TMEM94: variants seen among roughly 807,000 people sequenced by gnomAD.
TMEM94 encodes transmembrane protein 94, also known as ER Mg2+ ATPase.
Under a neutral mutation model 158.6 loss-of-function variants are expected in TMEM94, and 81 were observed. The observed-to-expected ratio is 0.51, with a 90% CI of 0.43 to 0.61. TMEM94 has a LOEUF of 0.61. TMEM94 is among the 20% of genes least tolerant of loss of function. The pLI is 0.00. For synonymous variants in TMEM94, 751 were observed against 730.7 expected (o/e 1.03, Z -0.45); for missense variants, 1,435 against 1,762.0 (o/e 0.81, Z 3.32).
Position 75,499,022 on chromosome 17 carries a change from G to C in TMEM94, c.3938G>C (p.Gly1313Ala). The change falls in exon 31 of 32, where the codon GGC (glycine) becomes GCC (alanine). Residue 1313 changes from glycine (G) to alanine (A), a missense_variant. Physicochemically the swap from Gly to Ala is moderately conservative, Grantham distance 60. Coordinates refer to ENST00000314256, the MANE Select transcript of TMEM94 (RefSeq NM_014738.6). ...GTGCCCCTGCTGACATGGCTCCTGG[G>C]CTGCCTGTCCCTGGTCCTTGTGGTG... ...EDVPLLTWLL[G>A]CLSLVLVVVT... is the part of the protein sequence containing the mutation. 1 of 1,603,826 alleles carries C rather than the reference G, an allele frequency of 6.2e-7. No individual in the cohort carries two copies. Among genetic ancestry groups the C allele is most frequent in the African/African-American group, 1.3e-5 (1 of 74,952 alleles).
In TMEM94 at chr17:75,491,266, C is replaced by T; in HGVS notation, c.1234-37C>T. ...GGCCCCTGGGCAGGATAGGCTAATGCCAGGCCCCTTTCCTATCTCAAATGC... is the reference window on the plus strand; with the variant it reads ...GGCCCCTGGGCAGGATAGGCTAATGTCAGGCCCCTTTCCTATCTCAAATGC... On this transcript the variant is annotated intron_variant, in intron 12 of 31. Coordinates refer to ENST00000314256, the MANE Select transcript of TMEM94 (RefSeq NM_014738.6). This position sits in a 1 kb window ranked among gnomAD's most constrained non-coding sequence, Gnocchi z 5.1. The T allele has an allele frequency of 3.9e-6, 6 of 1,552,912 alleles. No homozygotes were observed. Among genetic ancestry groups the T allele is most frequent in the Non-Finnish European group, 5.3e-6 (6 of 1,127,276 alleles).
At chr17:75,482,332 C>T (rs918956287) in intron 2 of TMEM94, among the ~76,000 whole-genome samples, 3 of 150,940 alleles carry the variant, frequency 2.0e-5, no homozygotes, top group Admixed American at 6.6e-5. Flanking sequence ...GGCAACAGAA[C>T]GAGACTCTGT....
At position 75,500,323 on chromosome 17, in the gene TMEM94, G is replaced by C. The variant is rs764688189; in HGVS notation, c.*989G>C. 2 of 152,424 alleles carry C rather than the reference G, an allele frequency of 1.3e-5. No individual in the cohort carries two copies. Among genetic ancestry groups the C allele is most frequent in the Admixed American group, 6.5e-5 (1 of 15,302 alleles). The allele number at this position is 152,424 out of a possible 1,614,324, so 9.4% of individuals were successfully genotyped here. ...GAAGAGGTTAATGGTTACAGAGCCAGGGCCTGGGCCAATGGGGTCAGGCTC... is the reference window on the plus strand; with the variant it reads ...GAAGAGGTTAATGGTTACAGAGCCACGGCCTGGGCCAATGGGGTCAGGCTC... On this transcript the variant is annotated 3_prime_UTR_variant, in exon 32 of 32. Coordinates refer to ENST00000314256, the MANE Select transcript of TMEM94 (RefSeq NM_014738.6).
At position 75,463,063 on chromosome 17, in the gene TMEM94, TATATATATATATATATAC is replaced by T. The variant is rs1567904718; in HGVS notation, c.-107+6314_-107+6331del. Among the ~76,000 whole-genome samples, 3 of 14,106 alleles carry T rather than the reference TATATATATATATATATAC, an allele frequency of 2.1e-4. No individual in the cohort carries two copies. The African/African-American group carries it at 2.6e-3, about 12-fold the overall frequency. 9.3% of individuals were successfully genotyped at this position (14,106 alleles called of 152,430 possible). ...ATATATATATATATATATATATATA[TATATATATATATATATAC>T]ACACACACACACATATATATGTGTG... On this transcript the variant is annotated intron_variant, in intron 1 of 31. Transcript: ENST00000314256.
At chr17:75,494,013 C>G in intron 18 of TMEM94, 97 bp downstream of exon 18, 3 of 1,218,168 alleles carry the variant, frequency 2.5e-6, no homozygotes, top group Non-Finnish European at 3.4e-6. Flanking sequence ...CCCGGCACCC[C>G]CCACAGCAAA....
At chr17:75,465,078 C>T (rs1248494872) in intron 1 of TMEM94, among the ~76,000 whole-genome samples, 1 of 152,054 alleles carries the variant, frequency 6.6e-6, no homozygotes, top group Non-Finnish European at 1.5e-5. Context: ...TAGCTCCCTG[C>T]AGCCTTGAAC....
rs574326348 is a variant in TMEM94, at chr17:75,499,695, G to A, written c.*361G>A. ...CCCTTGCCCCCCAGTGCCTCTGCTC[G>A]TGGGTCCCTGGACACGGCCTTGAAG... On this transcript the variant is annotated 3_prime_UTR_variant, in exon 32 of 32. Coordinates refer to ENST00000314256, the MANE Select transcript of TMEM94 (RefSeq NM_014738.6). 10 of 237,064 alleles carry A rather than the reference G, an allele frequency of 4.2e-5. No individual in the cohort carries two copies. The highest frequency in any genetic ancestry group is 7.5e-5 in the Non-Finnish European group (9 of 119,884). 14.7% of individuals were successfully genotyped at this position (237,064 alleles called of 1,614,324 possible).
In TMEM94 at chr17:75,495,963, C is replaced by T; in HGVS notation, c.2945-3C>T. ...CTCTGGTGCCCTTATACGCTGTCCT[C>T]AGCCATGTGTGAGATGATAAAGATC... is the stretch of plus-strand genomic sequence containing the variant. On this transcript the variant is annotated splice_region_variant and splice_polypyrimidine_tract_variant and intron_variant, in intron 22 of 31. Transcript: ENST00000314256. This position sits in a 1 kb window ranked among gnomAD's most constrained non-coding sequence, Gnocchi z 5.6. 2.5e-6 allele frequency: 4 copies of T among 1,610,422 alleles called. No homozygotes were observed. The highest frequency in any genetic ancestry group is 3.4e-6 in the Non-Finnish European group (4 of 1,177,432).
chr17:75,457,474 A>G (rs1358981391), intron 1 of TMEM94: 1 of 151,898 alleles, frequency 6.6e-6, no homozygotes, highest in Non-Finnish European at 1.5e-5. Flanking sequence ...CCGCTCTTTC[A>G]TTGGTGTGTC....
rs1244077317 is a variant in TMEM94 at position 75,493,092 on chromosome 17, C to T, written c.2076C>T (p.Asp692=). The part of the protein sequence containing the change: ...LSHMISLFIK[D]TTTSTEQMLS... ...ACATGATCAGCCTCTTCATTAAAGA[C>T]ACCACCACCAGTGAGCCCTGGCTAC... The change falls in exon 16 of 32, where the codon GAC becomes GAT. Residue 692 remains aspartate, a synonymous_variant. Transcript: ENST00000314256. The T allele has an allele frequency of 1.2e-6, 2 of 1,612,976 alleles. No individual in the cohort carries two copies. The highest frequency in any genetic ancestry group is 2.2e-5 in the East Asian group (1 of 44,882).
intron 2 of TMEM94, among the ~76,000 whole-genome samples, chr17:75,480,532 G>A (rs560661740): frequency 2.6e-5 from 4 of 152,330 alleles, no homozygotes; most frequent in Non-Finnish European, 4.4e-5. Context: ...ATGGCCAGGC[G>A]GGGTGAGGAG....
chr17:75,491,459 G>A lies in TMEM94; in HGVS notation c.1386+4G>A. 1 of 1,614,032 alleles carries A rather than the reference G, an allele frequency of 6.2e-7. No individual in the cohort carries two copies. Among genetic ancestry groups the A allele is most frequent in the Non-Finnish European group, 8.5e-7 (1 of 1,179,996 alleles). The stretch of plus-strand genomic sequence containing the variant: ...CCGCTCCTTCTGCCATCCCGAGGTA[G>A]AGGAGGAGGTACGGCCGGCTCCCAT... On this transcript the variant is annotated splice_donor_region_variant and intron_variant, in intron 13 of 31. Transcript: ENST00000314256. The surrounding 1 kb of genome is among the most constrained non-coding windows in gnomAD (Gnocchi z 5.1).
chr17:75,478,352 A>C (rs1053964763), intron 2 of TMEM94, among the ~76,000 whole-genome samples: 1 of 149,622 alleles, frequency 6.7e-6, no homozygotes. Flanking sequence ...AAAAAAAAGA[A>C]AGAAAGAAAA....
rs2052349429 is a variant in TMEM94 at position 75,492,956 on chromosome 17, T to C, written c.1940T>C (p.Phe647Ser). The part of the protein sequence containing the change: ...IGFTPGAKEL[F>S]KQENHLALYR... ...TTCACTCCTGGGGCCAAGGAGCTTTTCAAGCAGGAGAACCATCTGGCGCTG... is the reference window on the plus strand; with the variant it reads ...TTCACTCCTGGGGCCAAGGAGCTTTCCAAGCAGGAGAACCATCTGGCGCTG... The change falls in exon 16 of 32, where the codon TTC becomes TCC. Residue 647 changes from phenylalanine to serine, a missense_variant. By Grantham distance (155) the Phe-to-Ser change is radical (BLOSUM62 -2). This residue lies in a region of TMEM94 where 1,051 missense variants were observed against 1,254.4 expected (regional missense o/e 0.84). Coordinates refer to ENST00000314256, the MANE Select transcript of TMEM94 (RefSeq NM_014738.6). This position sits in a 1 kb window ranked among gnomAD's most constrained non-coding sequence, Gnocchi z 4.4. 1 of 1,613,450 alleles carries C rather than the reference T, an allele frequency of 6.2e-7. No homozygotes were observed. The highest frequency in any genetic ancestry group is 2.2e-5 in the East Asian group (1 of 44,874).
In TMEM94 at chr17:75,492,970, C is replaced by T. The variant is rs112952233; in HGVS notation, c.1954C>T (p.His652Tyr). 1.7e-5 allele frequency: 27 copies of T among 1,613,680 alleles called. 1 individual carries two copies. In the African/African-American group the frequency reaches 2.3e-4, roughly 14 times the overall value. ...GAKELFKQEN[H>Y]LALYRLPSAE... Reference sequence around the variant, plus strand: ...CAAGGAGCTTTTCAAGCAGGAGAACCATCTGGCGCTGTACCGCCTCCCCAG... The same window carrying T: ...CAAGGAGCTTTTCAAGCAGGAGAACTATCTGGCGCTGTACCGCCTCCCCAG... Residue 652 changes from histidine (H) to tyrosine (Y), a missense_variant, in exon 16 of 32, where the codon CAT becomes TAT. This residue lies in a region of TMEM94 where 1,051 missense variants were observed against 1,254.4 expected (regional missense o/e 0.84). Transcript: ENST00000314256. The surrounding 1 kb of genome is among the most constrained non-coding windows in gnomAD (Gnocchi z 4.4).
rs144215495 is a variant in TMEM94 at position 75,489,306 on chromosome 17, C to T, written c.805C>T (p.Leu269=). The T allele has an allele frequency of 6.2e-7, 1 of 1,614,242 alleles. No homozygotes were observed. The highest frequency in any genetic ancestry group is 2.2e-5 in the East Asian group (1 of 44,886). ...DMALSRPVTA[L]DNERFTVQSV... The stretch of plus-strand genomic sequence containing the variant: ...GGCCCTGTCCCGACCAGTCACTGCC[C>T]TGGACAATGAGCGGTTCACAGTGCA... Residue 269 remains leucine (L), a synonymous_variant, in exon 8 of 32, where the codon CTG becomes TTG. Transcript: ENST00000314256. The surrounding 1 kb of genome is among the most constrained non-coding windows in gnomAD (Gnocchi z 5.0).
chr17:75,493,271 T>A, intron 16 of TMEM94, 169 bp downstream of exon 16: 1 of 883,676 alleles, frequency 1.1e-6, no homozygotes, highest in Non-Finnish European at 1.7e-6. Context: ...GCTGGGATGG[T>A]GTTGGCTGCA....
At chr17:75,465,010 T>C (rs953027200) in intron 1 of TMEM94, among the ~76,000 whole-genome samples, 2 of 151,784 alleles carry the variant, frequency 1.3e-5, no homozygotes, top group African/African-American at 4.8e-5. Flanking sequence ...TTTTTGTTGT[T>C]GTTGTTAGAG....
Position 75,486,676 on chromosome 17 carries a change from G to A in TMEM94, c.409+250G>A, listed in dbSNP as rs964464257. On this transcript the variant is annotated intron_variant, in intron 5 of 31. Transcript: ENST00000314256. Reference sequence around the variant, plus strand: ...GCCAACAGTGGCAGGTGGGCTTGCAGGCTGGCTCACGTTGGGAAACCAACA... The same window carrying A: ...GCCAACAGTGGCAGGTGGGCTTGCAAGCTGGCTCACGTTGGGAAACCAACA... Among the ~76,000 whole-genome samples, 8 of 152,346 alleles carry A rather than the reference G, an allele frequency of 5.3e-5. No individual in the cohort carries two copies. In the East Asian group the frequency reaches 1.5e-3, roughly 29 times the overall value.
Sources: gnomAD v4.1 joint callset for allele counts (sites outside exome capture counted in the v4.1 genomes callset) on GRCh38, gnomAD v4.1.1 for gene constraint, gnomAD v4.1.1 regional missense constraint, Gnocchi (gnomAD v3.1) non-coding constraint, MANE v1.5 for transcripts, NCBI Gene and HGNC (gene_info 2026-07-23, HGNC 2026-07-21) for gene names.